The following OR6C1 variants were observed in gnomAD, a reference collection of about 807,000 sequenced individuals.
OR6C1 encodes olfactory receptor 6C1.
For missense variants in OR6C1, 386 were observed against 366.1 expected (o/e 1.05, Z -0.44); for synonymous variants, 157 against 133.3 (o/e 1.18, Z -1.22).
At chr12:55,316,799 T>G (rs569932624) in intron 1 of OR6C1, among the ~76,000 whole-genome samples, 1 of 151,964 alleles carries the variant, frequency 6.6e-6, no homozygotes, top group Admixed American at 6.6e-5. Flanking sequence ...TTGGATCACA[T>G]GCTACTAGAG....
chr12:55,317,770 A>G (rs1868434508), intron 1 of OR6C1, among the ~76,000 whole-genome samples: 2 of 151,860 alleles, frequency 1.3e-5, no homozygotes, highest in Admixed American at 1.3e-4. Flanking sequence ...AGCCTGTTGT[A>G]AGTGTGATGA....
intron 1 of OR6C1, among the ~76,000 whole-genome samples, 178 bp from the exon 2 acceptor site, chr12:55,320,389 G>A (rs2120448437): frequency 6.6e-6 from 1 of 152,228 alleles, no homozygotes; most frequent in East Asian, 1.9e-4. Context: ...CCTGTCTTAT[G>A]TGAAGAGTTT....
At chr12:55,317,606 T>TTCAA (rs1868431458) in intron 1 of OR6C1, among the ~76,000 whole-genome samples, 1 of 151,896 alleles carries the variant, frequency 6.6e-6, no homozygotes, top group Non-Finnish European at 1.5e-5. Flanking sequence ...CAAACTCAAC[T>TTCAA]TTAATTAATT....
Position 55,321,079 on chromosome 12 carries a change from G to T in OR6C1, c.480G>T (p.Leu160Phe), listed in dbSNP as rs1334419831. 6.2e-7 allele frequency: 1 copy of T among 1,613,314 alleles called. No homozygotes were observed. Among genetic ancestry groups the T allele is most frequent in the Non-Finnish European group, 8.5e-7 (1 of 1,179,548 alleles). Residue 160 changes from leucine to phenylalanine, a missense_variant, in exon 2 of 2, where the codon TTG becomes TTT. By Grantham distance (22) the Leu-to-Phe change is conservative. Transcript: ENST00000642104. The stretch of plus-strand genomic sequence containing the variant: ...TAATCATATTCCCAGCACTCATGTT[G>T]CTTTTAAAGCTTCATTACTGTAGGT... ...SFLIIFPALM[L>F]LLKLHYCRSN...
Position 55,321,511 on chromosome 12 carries a change from G to A in OR6C1, c.912G>A (p.Arg304=). 6.2e-7 allele frequency: 1 copy of A among 1,612,324 alleles called. No individual in the cohort carries two copies. Among genetic ancestry groups the A allele is most frequent in the Non-Finnish European group, 8.5e-7 (1 of 1,179,242 alleles). ...QVKQAFINMA[R]KTVFFTST ...AGCAAGCTTTCATTAACATGGCAAG[G>A]AAGACTGTATTTTTCACAAGCACAT... Residue 304 remains arginine, a synonymous_variant, in exon 2 of 2, where the codon AGG becomes AGA. Transcript: ENST00000642104.
chr12:55,321,613 G>A lies in OR6C1; in HGVS notation c.*75G>A, dbSNP rs1319813080. 2 of 968,094 alleles carry A rather than the reference G, an allele frequency of 2.1e-6. No individual in the cohort carries two copies. The highest frequency in any genetic ancestry group is 2.4e-5 in the East Asian group (1 of 41,044). 60.0% of individuals were successfully genotyped at this position (968,094 alleles called of 1,614,324 possible). On this transcript the variant is annotated 3_prime_UTR_variant, in exon 2 of 2. Coordinates refer to ENST00000642104, the MANE Select transcript of OR6C1 (RefSeq NM_001005182.2). ...TTCAGTAGCTTCTTCAATCAAAATG[G>A]CCTCCTTGCAGTCTTCTGCATCATT...
In OR6C1 at chr12:55,320,496, C is replaced by G. The variant is rs190448740; in HGVS notation, c.-33-71C>G. 4 of 700,854 alleles carry G rather than the reference C, an allele frequency of 5.7e-6. No individual in the cohort carries two copies. The African/African-American group carries it at 7.1e-5, about 13-fold the overall frequency. 43.4% of individuals were successfully genotyped at this position (700,854 alleles called of 1,614,324 possible). ...GAAATGGCATACTATGTCAACCAAA[C>G]TCCAGCTCCGTACTTGGATATTTGT... On this transcript the variant is annotated intron_variant, in intron 1 of 1. Transcript: ENST00000642104.
At position 55,321,628 on chromosome 12, in the gene OR6C1, T is replaced by C; in HGVS notation, c.*90T>C. On this transcript the variant is annotated 3_prime_UTR_variant, in exon 2 of 2. Transcript: ENST00000642104. ...AATCAAAATGGCCTCCTTGCAGTCT[T>C]CTGCATCATTTTCTTTTCCCTAAAA... 1.4e-6 allele frequency: 1 copy of C among 723,180 alleles called. No homozygotes were observed. The highest frequency in any genetic ancestry group is 2.6e-5 in the East Asian group (1 of 38,188). The allele number at this position is 723,180 out of a possible 1,614,324, so 44.8% of individuals were successfully genotyped here. A position where few individuals can be genotyped will look rare whatever the true frequency, so the allele number is the denominator to read the frequency against.
At chr12:55,315,694 A>C (rs1421557616) in intron 1 of OR6C1, among the ~76,000 whole-genome samples, 1 of 151,752 alleles carries the variant, frequency 6.6e-6, no homozygotes, top group Non-Finnish European at 1.5e-5. Context: ...TCAAGCACTC[A>C]ATGAATTTTC....
Position 55,320,611 on chromosome 12 carries a change from T to C in OR6C1, c.12T>C (p.His4=), listed in dbSNP as rs201552924. Residue 4 remains histidine, a synonymous_variant, in exon 2 of 2, where the codon CAT becomes CAC. Coordinates refer to ENST00000642104, the MANE Select transcript of OR6C1 (RefSeq NM_001005182.2). MRN[H]TEITEFILLG... ...AAAGCAACTGAAGAATGAGAAACCA[T>C]ACAGAAATAACAGAGTTTATTCTTC... is the stretch of plus-strand genomic sequence containing the variant. 4.5e-5 allele frequency: 71 copies of C among 1,570,036 alleles called. No individual in the cohort carries two copies. The highest frequency in any genetic ancestry group is 5.8e-5 in the Non-Finnish European group (67 of 1,153,236).
In OR6C1 at chr12:55,320,670, T is replaced by C. The variant is rs1456247103; in HGVS notation, c.71T>C (p.Val24Ala). 5.0e-6 allele frequency: 8 copies of C among 1,613,734 alleles called. No individual in the cohort carries two copies. Among genetic ancestry groups the C allele is most frequent in the Middle Eastern group, 1.6e-4 (1 of 6,080 alleles). The change falls in exon 2 of 2, where the codon GTA (valine) becomes GCA (alanine). Residue 24 changes from valine (V) to alanine (A), a missense_variant. By Grantham distance (64) the Val-to-Ala change is moderately conservative (BLOSUM62 0). Transcript: ENST00000642104. ...GLTDDPNFQV[V>A]IFVFLLITYM... Reference sequence around the variant, plus strand: ...ACAGATGACCCAAATTTTCAGGTTGTAATCTTTGTCTTCCTGCTCATCACC... The same window carrying C: ...ACAGATGACCCAAATTTTCAGGTTGCAATCTTTGTCTTCCTGCTCATCACC...
In OR6C1 at chr12:55,318,684, A is replaced by G. The variant is rs537073045; in HGVS notation, c.-33-1883A>G. On this transcript the variant is annotated intron_variant, in intron 1 of 1. Transcript: ENST00000642104. The stretch of plus-strand genomic sequence containing the variant: ...ATACAAATACACATATTTATAAAGA[A>G]TTTAGAAAAGTTATAAGTAAGCTAA... Among the ~76,000 whole-genome samples, 96 of 149,166 alleles carry G rather than the reference A, an allele frequency of 6.4e-4. 2 individuals are homozygous for G. The South Asian group carries it at 0.02, about 31-fold the overall frequency.
intron 1 of OR6C1, among the ~76,000 whole-genome samples, chr12:55,319,562 A>C (rs947078313): frequency 6.6e-6 from 1 of 152,196 alleles, no homozygotes; most frequent in South Asian, 2.1e-4. Flanking sequence ...GGGAGCTGCC[A>C]AGTTTTGATT....
At chr12:55,319,881 C>T (rs561754753) in intron 1 of OR6C1, among the ~76,000 whole-genome samples, 2 of 152,320 alleles carry the variant, frequency 1.3e-5, no homozygotes, top group East Asian at 3.9e-4. Flanking sequence ...TGGCTCATGC[C>T]TGTAATCCCA....
At position 55,322,096 on chromosome 12, in the gene OR6C1, A is replaced by G. The variant is rs1338551826; in HGVS notation, c.*558A>G. The G allele has an allele frequency of 2.0e-5, 3 of 152,070 alleles. No homozygotes were observed. The highest frequency in any genetic ancestry group is 2.9e-5 in the Non-Finnish European group (2 of 67,958). 9.4% of individuals were successfully genotyped at this position (152,070 alleles called of 1,614,324 possible). A position where few individuals can be genotyped will look rare whatever the true frequency, so the allele number is the denominator to read the frequency against. ...GGAGCCTAGACCATTATCAATATAT[A>G]CTTTTTTGTTATAAGTGCTAAGTAG... On this transcript the variant is annotated 3_prime_UTR_variant, in exon 2 of 2. Coordinates refer to ENST00000642104, the MANE Select transcript of OR6C1 (RefSeq NM_001005182.2).
intron 1 of OR6C1, among the ~76,000 whole-genome samples, chr12:55,315,198 CA>C (rs1270193788): frequency 2.0e-5 from 3 of 151,594 alleles, no homozygotes; most frequent in African/African-American, 7.3e-5. Flanking sequence ...CTGTTTTAAA[CA>C]GAGAAAACTG....
rs1199088752 is a variant in OR6C1, at chr12:55,314,378, T to C, written c.-255T>C. ...ACACTTTCAGATACTTTCCCTATTT[T>C]ATATTTTTGCTCCTTTCTCACTCTC... On this transcript the variant is annotated 5_prime_UTR_variant, in exon 1 of 2. Coordinates refer to ENST00000642104, the MANE Select transcript of OR6C1 (RefSeq NM_001005182.2). 6.6e-6 allele frequency: 1 copy of C among 151,456 alleles called. No homozygotes were observed. Among genetic ancestry groups the C allele is most frequent in the Non-Finnish European group, 1.5e-5 (1 of 67,628 alleles). 9.4% of individuals were successfully genotyped at this position (151,456 alleles called of 1,614,324 possible).
Position 55,320,605 on chromosome 12 carries a change from A to G in OR6C1, c.6A>G (p.Arg2=), listed in dbSNP as rs772832403. The G allele has an allele frequency of 6.4e-7, 1 of 1,571,340 alleles. No individual in the cohort carries two copies. The highest frequency in any genetic ancestry group is 1.1e-5 in the South Asian group (1 of 87,126). Residue 2 remains arginine, a synonymous_variant, in exon 2 of 2, where the codon AGA becomes AGG. Coordinates refer to ENST00000642104, the MANE Select transcript of OR6C1 (RefSeq NM_001005182.2). ...AAAAAGAAAGCAACTGAAGAATGAG[A>G]AACCATACAGAAATAACAGAGTTTA... M[R]NHTEITEFIL...
intron 1 of OR6C1, among the ~76,000 whole-genome samples, chr12:55,317,333 T>G (rs1251105425): frequency 6.6e-6 from 1 of 151,988 alleles, no homozygotes; most frequent in African/African-American, 2.4e-5. Flanking sequence ...GTAAAAAAAT[T>G]TAAACCCAGT....
Sources: gnomAD v4.1 joint callset for allele counts (sites outside exome capture counted in the v4.1 genomes callset) on GRCh38, gnomAD v4.1.1 for gene constraint, MANE v1.5 for transcripts, NCBI Gene and HGNC (gene_info 2026-07-23, HGNC 2026-07-21) for gene names.